Variants in GABRB1 observed in about 807,000 individuals in gnomAD.
GABRB1 encodes the protein gamma-aminobutyric acid receptor subunit beta-1.
A neutral mutation model predicts 51.6 loss-of-function variants in GABRB1; 17 were observed. The observed-to-expected ratio is 0.33, with a 90% confidence interval of 0.23 to 0.49. The LOEUF is 0.49. Among genes scored for constraint, GABRB1 ranks in the 20% least tolerant of loss-of-function variants. The pLI, the probability that GABRB1 is intolerant of heterozygous loss-of-function variation, is 0.99. For synonymous variants in GABRB1, 247 were observed against 218.9 expected (o/e 1.13, Z -1.14); for missense variants, 410 against 600.6 (o/e 0.68, Z 3.32).
At chr4:47,169,819 C>T (rs904548807) in intron 4 of GABRB1, among the ~76,000 whole-genome samples, 2 of 151,844 alleles carry the variant, frequency 1.3e-5, no homozygotes, top group Non-Finnish European at 2.9e-5. Flanking sequence ...CATTTTTAGC[C>T]CAAGTCTTCT....
chr4:47,171,371 T>C (rs1476131780), intron 4 of GABRB1, among the ~76,000 whole-genome samples: 4 of 152,026 alleles, frequency 2.6e-5, no homozygotes, highest in Admixed American at 2.0e-4. Context: ...GAATTTTACA[T>C]CTTAGTTATA....
intron 5 of GABRB1, among the ~76,000 whole-genome samples, chr4:47,357,417 C>T (rs1333928007): frequency 6.6e-6 from 1 of 152,144 alleles, no homozygotes; most frequent in Non-Finnish European, 1.5e-5. Flanking sequence ...TTTGGAACTC[C>T]CAGCATTCCT....
Position 47,106,361 on chromosome 4 carries a change from A to G in GABRB1, c.241-54888A>G, listed in dbSNP as rs181244725. Among the ~76,000 whole-genome samples the G allele has an allele frequency of 2.0e-5, 3 of 152,086 alleles. No homozygotes were observed. The East Asian group carries it at 5.8e-4, about 29-fold the overall frequency. On this transcript the variant is annotated intron_variant, in intron 3 of 8. Transcript: ENST00000295454. ...AGGAATTTCTAGAGGCATTTATTTCATGCCCATCTTTAACAACAGTCTGAA... is the reference window on the plus strand; with the variant it reads ...AGGAATTTCTAGAGGCATTTATTTCGTGCCCATCTTTAACAACAGTCTGAA...
chr4:47,312,426 A>AT, intron 4 of GABRB1, among the ~76,000 whole-genome samples: 1 of 151,416 alleles, frequency 6.6e-6, no homozygotes, highest in Middle Eastern at 3.4e-3. Context: ...AGCTGCAAAA[A>AT]ATCTATGTAC....
At position 47,048,923 on chromosome 4, in the gene GABRB1, C is replaced by T. The variant is rs528934868; in HGVS notation, c.240+16439C>T. 2.3e-4 allele frequency among the ~76,000 whole-genome samples: 35 copies of T among 152,148 alleles called. No homozygotes were observed. In the South Asian group the frequency reaches 3.1e-3, roughly 14 times the overall value. On this transcript the variant is annotated intron_variant, in intron 3 of 8. Coordinates refer to ENST00000295454, the MANE Select transcript of GABRB1 (RefSeq NM_000812.4). ...AAATGAATGGATAGGCAGAATCCTACCCAAACAATTGAGTTCTGAATTTCA... is the reference window on the plus strand; with the variant it reads ...AAATGAATGGATAGGCAGAATCCTATCCAAACAATTGAGTTCTGAATTTCA...
intron 5 of GABRB1, among the ~76,000 whole-genome samples, chr4:47,342,716 T>C (rs1048335610): frequency 2.6e-5 from 4 of 152,150 alleles, no homozygotes; most frequent in African/African-American, 9.7e-5. Context: ...TCCAGTTCTT[T>C]CTTACAGAAT....
At chr4:47,381,744 C>T (rs1727605410) in intron 5 of GABRB1, among the ~76,000 whole-genome samples, 1 of 152,186 alleles carries the variant, frequency 6.6e-6, no homozygotes, top group African/African-American at 2.4e-5. Context: ...TCTTTCCTGT[C>T]TATTTCTCTT....
chr4:47,099,365 A>G, intron 3 of GABRB1, among the ~76,000 whole-genome samples: 1 of 152,178 alleles, frequency 6.6e-6, no homozygotes, highest in Middle Eastern at 3.4e-3. Context: ...AATATGAACT[A>G]TGTTGGACTT....
intron 3 of GABRB1, among the ~76,000 whole-genome samples, chr4:47,123,073 A>T (rs564340995): frequency 6.6e-6 from 1 of 151,904 alleles, no homozygotes; most frequent in South Asian, 2.1e-4. Flanking sequence ...TAGATGTACA[A>T]CTCATTTTCT....
intron 4 of GABRB1, among the ~76,000 whole-genome samples, chr4:47,259,190 C>T (rs1313221860): frequency 1.3e-5 from 2 of 152,082 alleles, no homozygotes; most frequent in African/African-American, 4.8e-5. Flanking sequence ...CACTTTCAGC[C>T]ACAAACAAAT....
At chr4:47,083,875 AG>A (rs1436769026) in intron 3 of GABRB1, among the ~76,000 whole-genome samples, 30 of 152,226 alleles carry the variant, frequency 2.0e-4, no homozygotes, top group African/African-American at 7.0e-4. Flanking sequence ...CCTATGTCTA[AG>A]GGGTCAGAAT....
chr4:47,423,826 G>A (rs915315161), intron 8 of GABRB1, among the ~76,000 whole-genome samples: 10 of 152,008 alleles, frequency 6.6e-5, no homozygotes, highest in Non-Finnish European at 1.3e-4. Flanking sequence ...TGCTGAATTA[G>A]GATAACATAT....
chr4:47,349,780 T>C (rs1726241458), intron 5 of GABRB1, among the ~76,000 whole-genome samples: 1 of 152,246 alleles, frequency 6.6e-6, no homozygotes, highest in African/African-American at 2.4e-5. Flanking sequence ...CATGGCCTTC[T>C]AGTCAAGTTC....
intron 4 of GABRB1, among the ~76,000 whole-genome samples, chr4:47,220,587 C>G (rs1367261640): frequency 6.6e-6 from 1 of 151,944 alleles, no homozygotes; most frequent in Non-Finnish European, 1.5e-5. Flanking sequence ...TACATAAACT[C>G]AGATCCTGAA....
chr4:47,095,568 C>G (rs994383977), intron 3 of GABRB1, among the ~76,000 whole-genome samples: 1 of 152,200 alleles, frequency 6.6e-6, no homozygotes, highest in Admixed American at 6.5e-5. Context: ...TGGGAAAACA[C>G]TAGGGGCACT....
intron 4 of GABRB1, among the ~76,000 whole-genome samples, chr4:47,200,486 T>A (rs949411117): frequency 6.6e-5 from 10 of 152,154 alleles, no homozygotes; most frequent in African/African-American, 2.4e-4. Flanking sequence ...AATAAAGGCA[T>A]CGAACACTGT....
At chr4:47,317,864 A>T (rs1366981242) in intron 4 of GABRB1, among the ~76,000 whole-genome samples, 1 of 151,944 alleles carries the variant, frequency 6.6e-6, no homozygotes, top group Non-Finnish European at 1.5e-5. Context: ...ATATATTCAC[A>T]TACGGTGAAT....
At chr4:47,210,529 T>C (rs1480248764) in intron 4 of GABRB1, among the ~76,000 whole-genome samples, 2 of 152,182 alleles carry the variant, frequency 1.3e-5, no homozygotes, top group Non-Finnish European at 2.9e-5. Context: ...CCCTGCATTA[T>C]TTTTGTTCTA....
chr4:47,416,223 C>T (rs1202783973), intron 8 of GABRB1, among the ~76,000 whole-genome samples: 3 of 152,022 alleles, frequency 2.0e-5, no homozygotes, highest in Non-Finnish European at 4.4e-5. Flanking sequence ...GTGAAAATGC[C>T]CTGCAGACTT....
Sources: allele counts gnomAD v4.1 joint callset (sites outside exome capture counted in the v4.1 genomes callset), GRCh38; gene constraint gnomAD v4.1.1; transcripts MANE v1.5; gene names NCBI Gene and HGNC (gene_info 2026-07-23, HGNC 2026-07-21).